The following CPNE8 variants were observed in gnomAD, a reference collection of about 807,000 sequenced individuals.
CPNE8 encodes copine 8.
In CPNE8, 45 loss-of-function variants were observed where a neutral mutation model predicts 81.5. The observed-to-expected ratio is 0.55, with a 90% confidence interval of 0.44 to 0.71. The LOEUF (loss-of-function observed/expected upper bound fraction) is 0.71, where lower values mean the gene tolerates loss of function less well. Ranked by LOEUF, CPNE8 falls within the 30% of genes least tolerant of loss-of-function variation. The pLI is 0.00. For missense variants in CPNE8, 594 were observed against 672.1 expected (o/e 0.88, Z 1.28); for synonymous variants, 252 against 226.3 (o/e 1.11, Z -1.02).
At chr12:38,714,023 A>G (rs569203573) in intron 13 of CPNE8, among the ~76,000 whole-genome samples, 212 of 152,216 alleles carry the variant, frequency 1.4e-3, no homozygotes, top group African/African-American at 4.9e-3. Flanking sequence ...CTTTATAGAT[A>G]TTTGTTCCTT....
At chr12:38,747,728 A>T (rs1007977902) in intron 10 of CPNE8, among the ~76,000 whole-genome samples, 3 of 152,158 alleles carry the variant, frequency 2.0e-5, no homozygotes, top group Non-Finnish European at 4.4e-5. Context: ...TACAACATAT[A>T]CTGTATTTCA....
At chr12:38,783,947 A>G (rs2136910995) in intron 6 of CPNE8, among the ~76,000 whole-genome samples, 1 of 152,300 alleles carries the variant, frequency 6.6e-6, no homozygotes, top group South Asian at 2.1e-4. Flanking sequence ...CTAACTCTTC[A>G]ATGCTTCAAT....
chr12:38,850,382 G>A (rs1331999129), intron 3 of CPNE8, among the ~76,000 whole-genome samples: 2 of 152,092 alleles, frequency 1.3e-5, no homozygotes, highest in Admixed American at 6.6e-5. Context: ...CCATTGAGGT[G>A]CAGCCAGCAA....
intron 10 of CPNE8, among the ~76,000 whole-genome samples, chr12:38,736,079 C>G (rs956461203): frequency 4.6e-5 from 7 of 151,760 alleles, no homozygotes; most frequent in Non-Finnish European, 1.0e-4. Context: ...AAGAGTTCAG[C>G]AGGAGAACTA....
At chr12:38,685,061 C>T (rs1376500511) in intron 16 of CPNE8, among the ~76,000 whole-genome samples, 2 of 151,950 alleles carry the variant, frequency 1.3e-5, no homozygotes, top group Non-Finnish European at 2.9e-5. Context: ...AATAATGTGC[C>T]CTATATGTCG....
intron 10 of CPNE8, among the ~76,000 whole-genome samples, chr12:38,752,173 C>T (rs1010122544): frequency 5.3e-5 from 8 of 152,026 alleles, no homozygotes; most frequent in Admixed American, 2.0e-4. Flanking sequence ...AGGCAACATT[C>T]GATTATTTAT....
At chr12:38,887,492 T>G (rs2137134550) in intron 1 of CPNE8, among the ~76,000 whole-genome samples, 1 of 152,284 alleles carries the variant, frequency 6.6e-6, no homozygotes, top group Admixed American at 6.5e-5. Context: ...GTTGGGGTGA[T>G]TTGTACTTTC....
At chr12:38,900,369 G>T (rs1944443098) in intron 1 of CPNE8, among the ~76,000 whole-genome samples, 1 of 152,174 alleles carries the variant, frequency 6.6e-6, no homozygotes, top group Admixed American at 6.5e-5. Flanking sequence ...ATTTTAACAG[G>T]AGAAATCCCT....
chr12:38,653,617 T>TAAA lies in CPNE8; in HGVS notation c.*262_*264dup, dbSNP rs59710225. ...TACATTGGAAATTAGCTGTTTCTGTTAAAAAAAAAAAGAAAGAAAGATTTA... is the reference window on the plus strand; with the variant it reads ...TACATTGGAAATTAGCTGTTTCTGTTAAAAAAAAAAAAAAGAAAGAAAGATTTA... On this transcript the variant is annotated 3_prime_UTR_variant, in exon 20 of 20. Transcript: ENST00000331366. 638 of 148,592 alleles carry TAAA rather than the reference T, an allele frequency of 4.3e-3. 13 individuals are homozygous for TAAA. Among genetic ancestry groups the TAAA allele is most frequent in the Non-Finnish European group, 7.3e-3 (509 of 69,784 alleles). The allele number at this position is 148,592 out of a possible 1,614,324, so 9.2% of individuals were successfully genotyped here.
At chr12:38,697,752 C>T (rs1939832049) in intron 14 of CPNE8, among the ~76,000 whole-genome samples, 1 of 151,912 alleles carries the variant, frequency 6.6e-6, no homozygotes, top group Non-Finnish European at 1.5e-5. Flanking sequence ...GGGAAGTTCT[C>T]ACTCTGTTAG....
chr12:38,903,441 A>C (rs2137172577), intron 1 of CPNE8, among the ~76,000 whole-genome samples: 1 of 152,352 alleles, frequency 6.6e-6, no homozygotes, highest in South Asian at 2.1e-4. Context: ...ACTGAAACAA[A>C]TTGCCTTAAG....
intron 10 of CPNE8, among the ~76,000 whole-genome samples, chr12:38,753,651 G>T (rs1941397086): frequency 6.6e-6 from 1 of 152,056 alleles, no homozygotes; most frequent in Admixed American, 6.6e-5. Context: ...CCCTACCCCT[G>T]CCCCCTTAAC....
chr12:38,704,526 G>A (rs1007411556), intron 13 of CPNE8, among the ~76,000 whole-genome samples: 6 of 151,966 alleles, frequency 3.9e-5, no homozygotes, highest in African/African-American at 1.4e-4. Flanking sequence ...AGTCAAAAAT[G>A]CATTTAAATA....
chr12:38,697,613 T>G (rs1465853140), intron 14 of CPNE8, among the ~76,000 whole-genome samples: 1 of 152,098 alleles, frequency 6.6e-6, no homozygotes, highest in Non-Finnish European at 1.5e-5. Context: ...AATTTTACAT[T>G]CCCACTGATA....
intron 19 of CPNE8, among the ~76,000 whole-genome samples, chr12:38,654,566 T>A (rs1938776852): frequency 6.6e-6 from 1 of 150,508 alleles, no homozygotes; most frequent in East Asian, 1.9e-4. Flanking sequence ...TATAAGTGAC[T>A]AAACTTACAT....
intron 6 of CPNE8, among the ~76,000 whole-genome samples, chr12:38,813,387 G>A (rs1037237778): frequency 2.6e-5 from 4 of 151,890 alleles, no homozygotes; most frequent in Non-Finnish European, 4.4e-5. Context: ...TGATAGAGGG[G>A]AAAAAAGACT....
intron 4 of CPNE8, among the ~76,000 whole-genome samples, chr12:38,842,738 T>C (rs1028252349): frequency 1.3e-5 from 2 of 151,772 alleles, no homozygotes; most frequent in African/African-American, 4.8e-5. Flanking sequence ...CCATCACACC[T>C]GGCTAATTTT....
chr12:38,812,077 G>C (rs982093609), intron 6 of CPNE8, among the ~76,000 whole-genome samples: 1 of 152,156 alleles, frequency 6.6e-6, no homozygotes, highest in Non-Finnish European at 1.5e-5. Flanking sequence ...GTAAGACAAA[G>C]TCAATAGAAG....
Position 38,902,370 on chromosome 12 carries a change from A to AAAGAAAG in CPNE8, c.98+3066_98+3067insCTTTCTT, listed in dbSNP as rs1944492398. ...AAAGAAAGAAAGAAAGAAAGAAAGA[A>AAAGAAAG]AGAAAGAAAGAAAAGAAAGAAAGAG... On this transcript the variant is annotated intron_variant, in intron 1 of 19. Transcript: ENST00000331366. Among the ~76,000 whole-genome samples the AAAGAAAG allele has an allele frequency of 2.8e-3, 222 of 79,426 alleles. 2 individuals are homozygous for AAAGAAAG. Among genetic ancestry groups the AAAGAAAG allele is most frequent in the Middle Eastern group, 4.9e-3 (1 of 204 alleles). 52.1% of individuals were successfully genotyped at this position (79,426 alleles called of 152,430 possible). A position where few individuals can be genotyped will look rare whatever the true frequency, so the allele number is the denominator to read the frequency against.
Sources: allele counts gnomAD v4.1 joint callset (sites outside exome capture counted in the v4.1 genomes callset), GRCh38; gene constraint gnomAD v4.1.1; transcripts MANE v1.5; gene names NCBI Gene and HGNC (gene_info 2026-07-23, HGNC 2026-07-21).